Variants in RAPGEF2 observed in about 807,000 individuals in gnomAD.
The protein encoded by RAPGEF2 is PDZ domain containing guanine nucleotide exchange factor (GEF) 1.
A neutral mutation model predicts 186.7 loss-of-function variants in RAPGEF2; 54 were observed. The ratio of observed to expected loss-of-function variants is 0.29; its 90% CI spans 0.23 to 0.36. RAPGEF2 has a LOEUF of 0.36. Ranked by LOEUF, RAPGEF2 falls within the 10% of genes least tolerant of loss-of-function variation. The probability of loss-of-function intolerance (pLI) is 1.00; values close to 1 mark genes in which losing one functional copy is unlikely to be tolerated. For synonymous variants in RAPGEF2, 712 were observed against 705.9 expected, an observed-to-expected ratio of 1.01 and a Z score of -0.14; for missense variants, 1,532 against 2,045.0, an observed-to-expected ratio of 0.75 and a Z score of 4.84.
At chr4:159,251,848 T>G (rs188395379) in intron 7 of RAPGEF2, among the ~76,000 whole-genome samples, 1 of 151,728 alleles carries the variant, frequency 6.6e-6, no homozygotes, top group Non-Finnish European at 1.5e-5. Context: ...GCTGCCCAGT[T>G]TGCCGCCGCG....
At chr4:159,112,381 T>A (rs918564774) in intron 1 of RAPGEF2, among the ~76,000 whole-genome samples, 4 of 150,158 alleles carry the variant, frequency 2.7e-5, no homozygotes, top group Admixed American at 6.6e-5. Flanking sequence ...CTTTTCATAT[T>A]TTTTTTTTGT....
chr4:159,290,118 C>T (rs28430649), intron 7 of RAPGEF2, among the ~76,000 whole-genome samples: 1 of 152,096 alleles, frequency 6.6e-6, no homozygotes, highest in Non-Finnish European at 1.5e-5. Flanking sequence ...GAGGGTGTTA[C>T]AAGAAGCAAG....
intron 7 of RAPGEF2, among the ~76,000 whole-genome samples, chr4:159,293,401 T>G (rs1246388248): frequency 1.3e-5 from 2 of 152,240 alleles, no homozygotes; most frequent in Non-Finnish European, 2.9e-5. Context: ...ATTTTACTCA[T>G]TGCTGTATTT....
chr4:159,292,541 A>G (rs1761375299), intron 7 of RAPGEF2, among the ~76,000 whole-genome samples: 2 of 152,176 alleles, frequency 1.3e-5, no homozygotes, highest in African/African-American at 4.8e-5. Context: ...ACACACAAAT[A>G]CTAGGATATA....
At chr4:159,345,924 CT>C (rs1196082088) in intron 24 of RAPGEF2, among the ~76,000 whole-genome samples, 1 of 151,562 alleles carries the variant, frequency 6.6e-6, no homozygotes, top group Non-Finnish European at 1.5e-5. Context: ...ACACCTGTGT[CT>C]TTTATGGGCA....
chr4:159,213,064 A>G (rs1391146933), intron 4 of RAPGEF2, among the ~76,000 whole-genome samples: 1 of 152,178 alleles, frequency 6.6e-6, no homozygotes, highest in African/African-American at 2.4e-5. Flanking sequence ...TAGTACTTTA[A>G]TAGGGTGAAA....
chr4:159,208,626 A>G (rs1316889997), intron 3 of RAPGEF2, among the ~76,000 whole-genome samples: 2 of 152,244 alleles, frequency 1.3e-5, no homozygotes, highest in East Asian at 3.8e-4. Context: ...TGTGTGTGAG[A>G]AAGAAATGAA....
chr4:159,194,466 C>A (rs1223192081), intron 3 of RAPGEF2, among the ~76,000 whole-genome samples: 1 of 152,146 alleles, frequency 6.6e-6, no homozygotes, highest in Non-Finnish European at 1.5e-5. Context: ...CATTGTCCAA[C>A]ATGGCAAACC....
At chr4:159,279,378 C>G (rs928761911) in intron 7 of RAPGEF2, among the ~76,000 whole-genome samples, 3 of 152,158 alleles carry the variant, frequency 2.0e-5, no homozygotes, top group African/African-American at 7.2e-5. Flanking sequence ...ATGGACAATT[C>G]CTTTTGTTTT....
At chr4:159,104,341 T>A (rs908650122) in intron 1 of RAPGEF2, 110 bp downstream of exon 1, 2 of 448,106 alleles carry the variant, frequency 4.5e-6, no homozygotes, top group Admixed American at 3.3e-5. Flanking sequence ...GCACCCCACT[T>A]CTTGCATCAG....
intron 7 of RAPGEF2, among the ~76,000 whole-genome samples, chr4:159,275,148 A>C (rs1453905146): frequency 2.6e-5 from 4 of 151,744 alleles, no homozygotes; most frequent in Non-Finnish European, 4.4e-5. Context: ...TCATATCTTT[A>C]TAACTTATCA....
chr4:159,241,438 A>T, intron 6 of RAPGEF2, 70 bp downstream of exon 6: 1 of 1,033,856 alleles, frequency 9.7e-7, no homozygotes, highest in Middle Eastern at 3.4e-4. Context: ...AAAGATGTTT[A>T]AGTTTTCCAT....
At chr4:159,223,881 G>A (rs1291942786) in intron 4 of RAPGEF2, among the ~76,000 whole-genome samples, 1 of 151,876 alleles carries the variant, frequency 6.6e-6, no homozygotes, top group East Asian at 1.9e-4. Context: ...AGATTTTATA[G>A]CCATTATCCC....
intron 7 of RAPGEF2, among the ~76,000 whole-genome samples, chr4:159,304,009 A>G (rs1385436126): frequency 6.6e-6 from 1 of 152,184 alleles, no homozygotes; most frequent in African/African-American, 2.4e-5. Flanking sequence ...GATGGCTAAT[A>G]AATAGTACTG....
At chr4:159,351,663 C>T (rs1005207545) in intron 26 of RAPGEF2, among the ~76,000 whole-genome samples, 1 of 152,012 alleles carries the variant, frequency 6.6e-6, no homozygotes, top group Non-Finnish European at 1.5e-5. Context: ...CAAGATAGGG[C>T]CGGGTGCAGT....
At chr4:159,302,483 C>T (rs1001240158) in intron 7 of RAPGEF2, among the ~76,000 whole-genome samples, 2 of 152,122 alleles carry the variant, frequency 1.3e-5, no homozygotes, top group African/African-American at 2.4e-5. Flanking sequence ...AATGTTTCCC[C>T]AGTTGCCTTC....
intron 7 of RAPGEF2, among the ~76,000 whole-genome samples, chr4:159,251,160 C>T (rs1755318813): frequency 6.6e-6 from 1 of 152,230 alleles, no homozygotes; most frequent in Admixed American, 6.5e-5. Flanking sequence ...CAGGCCTCAG[C>T]CACCTCCCCA....
At chr4:159,195,728 A>G (rs1015201174) in intron 3 of RAPGEF2, among the ~76,000 whole-genome samples, 23 of 151,888 alleles carry the variant, frequency 1.5e-4, no homozygotes, top group African/African-American at 5.1e-4. Flanking sequence ...GCTGGGGTAA[A>G]CACACACTCT....
intron 17 of RAPGEF2, among the ~76,000 whole-genome samples, chr4:159,333,615 AG>A (rs1766997693): frequency 6.6e-6 from 1 of 152,196 alleles, no homozygotes; most frequent in African/African-American, 2.4e-5. Flanking sequence ...GAGCTCAGCC[AG>A]GCTAGACAAA....
Sources: gnomAD v4.1 joint callset for allele counts (sites outside exome capture counted in the v4.1 genomes callset) on GRCh38, gnomAD v4.1.1 for gene constraint, MANE v1.5 for transcripts, NCBI Gene and HGNC (gene_info 2026-07-23, HGNC 2026-07-21) for gene names.